Variants in PARG observed in about 807,000 individuals in gnomAD.
The protein encoded by PARG is mitochondrial poly(ADP-ribose) glycohydrolase.
Under a neutral mutation model 113.0 loss-of-function variants are expected in PARG, and 35 were observed. The observed-to-expected ratio is 0.31, with a 90% CI of 0.24 to 0.41. The LOEUF (loss-of-function observed/expected upper bound fraction) is 0.41. Ranked by LOEUF, PARG falls within the 10% of genes least tolerant of loss-of-function variation. The pLI, the probability that PARG is intolerant of heterozygous loss-of-function variation, is 1.00. For synonymous variants in PARG, 330 were observed against 409.9 expected, an observed-to-expected ratio of 0.81 and a Z score of 2.36; for missense variants, 797 against 1,169.4, an observed-to-expected ratio of 0.68 and a Z score of 4.64.
intron 1 of PARG, among the ~76,000 whole-genome samples, chr10:49,937,348 C>T (rs1293932766): frequency 6.6e-6 from 1 of 151,916 alleles, no homozygotes; most frequent in African/African-American, 2.4e-5. Flanking sequence ...TGGTGGCGGG[C>T]GCCTGTAGTC....
chr10:49,881,597 G>C (rs1201445313), intron 8 of PARG, among the ~76,000 whole-genome samples: 1 of 152,110 alleles, frequency 6.6e-6, no homozygotes, highest in African/African-American at 2.4e-5. Flanking sequence ...TACCTCAGGA[G>C]TGGACACCCA....
chr10:49,819,358 C>T lies in PARG; in HGVS notation c.2913G>A (p.Gly971=), dbSNP rs1843951425. The change falls in exon 18 of 18, where the codon GGG becomes GGA. Residue 971 remains glycine, a synonymous_variant. Transcript: ENST00000616448. ...CGGCTCCTCAGGTCCCTGTCCTTTG[C>T]CCTGAATGGTCAGCGGTCTCTGCAC... The part of the protein sequence containing the change: ...ESCAETADHS[G]QRTGT The T allele has an allele frequency of 1.9e-6, 3 of 1,551,404 alleles. No homozygotes were observed. Among genetic ancestry groups the T allele is most frequent in the Non-Finnish European group, 2.6e-6 (3 of 1,146,842 alleles).
At chr10:49,903,648 C>T (rs1554844166) in intron 7 of PARG, among the ~76,000 whole-genome samples, 5 of 151,806 alleles carry the variant, frequency 3.3e-5, no homozygotes, top group Admixed American at 2.0e-4. Flanking sequence ...TTTTTAGTAG[C>T]GGCTGAGAGG....
At position 49,890,693 on chromosome 10, in the gene PARG, G is replaced by A. The variant is rs553764649; in HGVS notation, c.1738-5398C>T. On this transcript the variant is annotated intron_variant, in intron 7 of 17. Transcript: ENST00000616448. Reference sequence around the variant, plus strand: ...ATAGAAACAAGCTACTAAAATAAAGGAACTAAATCTGCCAAACATCAAAAC... The same window carrying A: ...ATAGAAACAAGCTACTAAAATAAAGAAACTAAATCTGCCAAACATCAAAAC... Among the ~76,000 whole-genome samples, 6 of 152,064 alleles carry A rather than the reference G, an allele frequency of 3.9e-5. No individual in the cohort carries two copies. The South Asian group carries it at 1.0e-3, about 26-fold the overall frequency.
intron 14 of PARG, among the ~76,000 whole-genome samples, chr10:49,842,743 A>C (rs1242933541): frequency 6.6e-6 from 1 of 152,232 alleles, no homozygotes; most frequent in Non-Finnish European, 1.5e-5. Context: ...GCAACTTTTC[A>C]AACTGAAAAC....
intron 17 of PARG, among the ~76,000 whole-genome samples, chr10:49,819,921 C>T (rs938426052): frequency 7.9e-5 from 12 of 152,164 alleles, no homozygotes; most frequent in Non-Finnish European, 1.5e-4. Context: ...TAAAAATGAA[C>T]ACCAACTTCA....
intron 4 of PARG, among the ~76,000 whole-genome samples, chr10:49,929,502 T>C (rs1343560877): frequency 6.6e-6 from 1 of 152,260 alleles, no homozygotes; most frequent in Admixed American, 6.5e-5. Flanking sequence ...TGACATAAAG[T>C]CATTTAAAGT....
intron 13 of PARG, among the ~76,000 whole-genome samples, chr10:49,856,515 A>G (rs1400117127): frequency 2.0e-5 from 3 of 152,268 alleles, no homozygotes; most frequent in Non-Finnish European, 4.4e-5. Flanking sequence ...GATTCAAAAT[A>G]GGGTAAACAA....
At chr10:49,895,304 G>A (rs1359303800) in intron 7 of PARG, among the ~76,000 whole-genome samples, 1 of 152,044 alleles carries the variant, frequency 6.6e-6, no homozygotes, top group African/African-American at 2.4e-5. Context: ...TTGTAAATAA[G>A]GGTCCTTTGT....
At chr10:49,825,698 G>A (rs1398866837) in intron 16 of PARG, among the ~76,000 whole-genome samples, 7 of 152,168 alleles carry the variant, frequency 4.6e-5, no homozygotes, top group African/African-American at 1.7e-4. Flanking sequence ...CTGCTCTCTT[G>A]GGACAGGTTT....
At chr10:49,854,353 G>A (rs1845889511) in intron 13 of PARG, among the ~76,000 whole-genome samples, 1 of 152,098 alleles carries the variant, frequency 6.6e-6, no homozygotes, top group Admixed American at 6.5e-5. Flanking sequence ...TTCTTTTGAG[G>A]GTTTGATGAA....
At chr10:49,829,139 GGGA>G (rs1387781703) in intron 16 of PARG, among the ~76,000 whole-genome samples, 3 of 152,120 alleles carry the variant, frequency 2.0e-5, no homozygotes, top group East Asian at 3.9e-4. Context: ...GGGAGGCTGA[GGGA>G]GGAGAATTGC....
chr10:49,824,023 A>G lies in PARG; in HGVS notation c.2648-3730T>C, dbSNP rs989301832. The stretch of plus-strand genomic sequence containing the variant: ...TTCTATCTTCAGCCTTCTGCCAGCT[A>G]TCTAGCTCTGTGACTAGCCAGTTAC... On this transcript the variant is annotated intron_variant, in intron 16 of 17. Coordinates refer to ENST00000616448, the MANE Select transcript of PARG (RefSeq NM_003631.5). Among the ~76,000 whole-genome samples, 95 of 152,194 alleles carry G rather than the reference A, an allele frequency of 6.2e-4. 1 individual carries two copies. Among genetic ancestry groups the G allele is most frequent in the African/African-American group, 2.2e-3 (92 of 41,462 alleles).
At chr10:49,927,366 GA>G (rs1554850871) in intron 4 of PARG, among the ~76,000 whole-genome samples, 1 of 121,058 alleles carries the variant, frequency 8.3e-6, no homozygotes. Flanking sequence ...AAGAAGGAAA[GA>G]AGGAAAGAAA....
In PARG at chr10:49,941,805, G is replaced by A. The variant is rs1564674633; in HGVS notation, c.-80C>T. 2.6e-6 allele frequency: 4 copies of A among 1,534,828 alleles called. No homozygotes were observed. Among genetic ancestry groups the A allele is most frequent in the East Asian group, 2.4e-5 (1 of 40,870 alleles). ...ACTAACCCTGAGAGAGATGGACTGC[G>A]CCTCCTTCTCAGCGCCTGCCTGCAC... On this transcript the variant is annotated 5_prime_UTR_variant, in exon 1 of 18. Transcript: ENST00000616448.
At chr10:49,928,764 T>C (rs1469567586) in intron 4 of PARG, among the ~76,000 whole-genome samples, 1 of 152,222 alleles carries the variant, frequency 6.6e-6, no homozygotes, top group Non-Finnish European at 1.5e-5. Flanking sequence ...CTTGGCGTCC[T>C]AAAGTGCTGG....
chr10:49,922,909 A>T (rs1184747538), intron 4 of PARG, among the ~76,000 whole-genome samples: 2 of 152,162 alleles, frequency 1.3e-5, no homozygotes, highest in African/African-American at 2.4e-5. Context: ...CTCAGCTTTT[A>T]CTAAGTGTTT....
rs1214299551 is a variant in PARG, at chr10:49,933,495, G to C, written c.953C>G (p.Ala318Gly). 6.2e-7 allele frequency: 1 copy of C among 1,609,204 alleles called. No homozygotes were observed. Among genetic ancestry groups the C allele is most frequent in the Non-Finnish European group, 8.5e-7 (1 of 1,175,756 alleles). The change falls in exon 3 of 18, where the codon GCA becomes GGA. Residue 318 changes from alanine to glycine, a missense_variant. Around this residue, in one of 5 missense-constraint regions of PARG, gnomAD observed 252 missense variants for 437.4 expected, o/e 0.58. Transcript: ENST00000616448. ...NSKNSCQDSE[A>G]DEETSPGFDE... ...AAAACCTGGACTTGTCTCCTCATCT[G>C]CTTCTGAGTCTTGACAACTATTTTT...
chr10:49,858,609 C>T (rs1170075895), intron 12 of PARG, among the ~76,000 whole-genome samples: 1 of 135,272 alleles, frequency 7.4e-6, no homozygotes, highest in Non-Finnish European at 1.6e-5. Flanking sequence ...GAAGGCGAAG[C>T]AGTCTTCTTT....
Sources: allele counts gnomAD v4.1 joint callset (sites outside exome capture counted in the v4.1 genomes callset), GRCh38; gene constraint gnomAD v4.1.1; regional missense constraint gnomAD v4.1.1; transcripts MANE v1.5; gene names NCBI Gene and HGNC (gene_info 2026-07-23, HGNC 2026-07-21).